The following CACNG2 variants were observed in gnomAD, a reference collection of about 807,000 sequenced individuals.
CACNG2 encodes the protein calcium voltage-gated channel auxiliary subunit gamma 2.
A neutral mutation model predicts 25.9 loss-of-function variants in CACNG2; 3 were observed. That is an observed-to-expected ratio of 0.12 (90% confidence interval 0.05 to 0.30). The LOEUF (loss-of-function observed/expected upper bound fraction) is 0.30. Among genes scored for constraint, CACNG2 ranks in the 10% least tolerant of loss-of-function variants. The probability of loss-of-function intolerance (pLI) is 1.00; values close to 1 mark genes in which losing one functional copy is unlikely to be tolerated. For synonymous variants in CACNG2, 167 were observed against 173.3 expected (o/e 0.96, Z 0.29); for missense variants, 341 against 432.5 (o/e 0.79, Z 1.88).
intron 1 of CACNG2, among the ~76,000 whole-genome samples, chr22:36,652,671 A>T (rs1936637675): frequency 6.6e-6 from 1 of 152,040 alleles, no homozygotes. Flanking sequence ...TGCCCATGAC[A>T]CTGTAAGGGC....
intron 1 of CACNG2, among the ~76,000 whole-genome samples, chr22:36,666,978 A>C (rs1387025472): frequency 6.7e-6 from 1 of 148,834 alleles, no homozygotes. Context: ...CTCACACGCA[A>C]CATGGGATCA....
At chr22:36,575,867 G>T (rs1163740682) in intron 2 of CACNG2, among the ~76,000 whole-genome samples, 1 of 152,132 alleles carries the variant, frequency 6.6e-6, no homozygotes, top group Non-Finnish European at 1.5e-5. Context: ...TATCCCATCT[G>T]GGATTTGACT....
At chr22:36,697,081 A>G (rs2146019810) in intron 1 of CACNG2, among the ~76,000 whole-genome samples, 1 of 152,318 alleles carries the variant, frequency 6.6e-6, no homozygotes, top group South Asian at 2.1e-4. Context: ...TACACTGGGG[A>G]CAGCTCCAAA....
intron 1 of CACNG2, among the ~76,000 whole-genome samples, chr22:36,630,225 T>C (rs1936247628): frequency 6.6e-6 from 1 of 152,096 alleles, no homozygotes; most frequent in Non-Finnish European, 1.5e-5. Context: ...GGTAGACCAG[T>C]TGGTCAGGTA....
chr22:36,656,839 G>A (rs143088617), intron 1 of CACNG2, among the ~76,000 whole-genome samples: 1 of 152,306 alleles, frequency 6.6e-6, no homozygotes, highest in African/African-American at 2.4e-5. Flanking sequence ...ATTTAAAATG[G>A]CGGCGTTCCT....
chr22:36,582,965 C>T (rs1047062491), intron 2 of CACNG2, among the ~76,000 whole-genome samples: 1 of 151,968 alleles, frequency 6.6e-6, no homozygotes, highest in South Asian at 2.1e-4. Flanking sequence ...GAAGACGCTA[C>T]ATCTGTTTCA....
At chr22:36,599,016 A>C (rs1935716789) in intron 1 of CACNG2, among the ~76,000 whole-genome samples, 1 of 152,214 alleles carries the variant, frequency 6.6e-6, no homozygotes, top group Admixed American at 6.5e-5. Context: ...ACATACGTAT[A>C]GCCTGCAACT....
intron 1 of CACNG2, among the ~76,000 whole-genome samples, chr22:36,651,875 T>C (rs1452607221): frequency 6.6e-6 from 1 of 152,114 alleles, no homozygotes; most frequent in Non-Finnish European, 1.5e-5. Flanking sequence ...TTGTTTCTTT[T>C]GTTTTTGAGA....
At chr22:36,626,278 T>C (rs974180359) in intron 1 of CACNG2, among the ~76,000 whole-genome samples, 3 of 152,194 alleles carry the variant, frequency 2.0e-5, no homozygotes, top group Non-Finnish European at 4.4e-5. Flanking sequence ...TCTAACCCTA[T>C]TTCTGATGCT....
intron 1 of CACNG2, among the ~76,000 whole-genome samples, chr22:36,609,584 T>C (rs1306199778): frequency 1.8e-5 from 2 of 110,104 alleles, no homozygotes; most frequent in East Asian, 3.1e-4. Flanking sequence ...CAGAGCGTGA[T>C]CGGGCAGGAA....
In CACNG2 at chr22:36,564,819, G is replaced by A. The variant is rs1935099047; in HGVS notation, c.504C>T (p.Asp168=). 4 of 1,614,204 alleles carry A rather than the reference G, an allele frequency of 2.5e-6. No individual in the cohort carries two copies. Among genetic ancestry groups the A allele is most frequent in the Non-Finnish European group, 3.4e-6 (4 of 1,180,038 alleles). ...SANAGDPSKS[D]SKKNSYSYGW... ...CGTATGAGTAACTATTCTTTTTGGA[G>A]TCGCTCTTGGAGGGGTCTCCGGCAT... The change falls in exon 4 of 4, where the codon GAC becomes GAT. Residue 168 remains aspartate (D), a synonymous_variant. Transcript: ENST00000300105. This position sits in a 1 kb window ranked among gnomAD's most constrained non-coding sequence, Gnocchi z 6.7.
rs752130295 is a variant in CACNG2, at chr22:36,702,581, C to T, written c.-5G>A. On this transcript the variant is annotated 5_prime_UTR_variant, in exon 1 of 4. Coordinates refer to ENST00000300105, the MANE Select transcript of CACNG2 (RefSeq NM_006078.5). ...ACCTCGATCAAACAGCCCCATAATT[C>T]TTCATTATATAAACACCCAACCGAC... is the stretch of plus-strand genomic sequence containing the variant. 1 of 1,612,986 alleles carries T rather than the reference C, an allele frequency of 6.2e-7. No individual in the cohort carries two copies. Among genetic ancestry groups the T allele is most frequent in the Non-Finnish European group, 8.5e-7 (1 of 1,179,092 alleles).
chr22:36,580,086 C>T (rs144572661), intron 2 of CACNG2, among the ~76,000 whole-genome samples: 5 of 152,276 alleles, frequency 3.3e-5, no homozygotes, highest in East Asian at 3.9e-4. Flanking sequence ...AATTGCTGTC[C>T]GACTCTAACT....
Position 36,684,512 on chromosome 22 carries a change from A to T in CACNG2, c.211+17854T>A, listed in dbSNP as rs551973129. On this transcript the variant is annotated intron_variant, in intron 1 of 3. Transcript: ENST00000300105. ...ACCCCTGTAGTCTCAGCTCCTCAGG[A>T]GGCTCAGGTAGGAGGATCACTTGAG... Among the ~76,000 whole-genome samples, 3 of 150,780 alleles carry T rather than the reference A, an allele frequency of 2.0e-5. No homozygotes were observed. In the South Asian group the frequency reaches 6.4e-4, roughly 32 times the overall value.
intron 1 of CACNG2, among the ~76,000 whole-genome samples, chr22:36,673,342 A>G (rs1936979096): frequency 6.6e-6 from 1 of 152,200 alleles, no homozygotes; most frequent in African/African-American, 2.4e-5. Flanking sequence ...GATCAAGCTG[A>G]GTAGGCAGCA....
chr22:36,685,992 T>C (rs1353376528), intron 1 of CACNG2, among the ~76,000 whole-genome samples: 2 of 152,162 alleles, frequency 1.3e-5, no homozygotes, highest in Admixed American at 6.5e-5. Context: ...CAGAGGTAAA[T>C]GTGACACCAT....
At chr22:36,615,440 A>G (rs772681041) in intron 1 of CACNG2, among the ~76,000 whole-genome samples, 23 of 152,168 alleles carry the variant, frequency 1.5e-4, no homozygotes, top group South Asian at 2.1e-4. Flanking sequence ...CTCTTTCCAT[A>G]CAACAAGCAG....
At chr22:36,664,307 T>TATTC (rs1936843114) in intron 1 of CACNG2, among the ~76,000 whole-genome samples, 1 of 152,022 alleles carries the variant, frequency 6.6e-6, no homozygotes, top group African/African-American at 2.4e-5. Flanking sequence ...TCTCTCTGCC[T>TATTC]ATTCATTCAT....
chr22:36,647,654 C>T (rs1029927869), intron 1 of CACNG2, among the ~76,000 whole-genome samples: 2 of 152,186 alleles, frequency 1.3e-5, no homozygotes, highest in Non-Finnish European at 2.9e-5. Context: ...AGCTACCCTG[C>T]CTTTCTTCCT....
Sources: gnomAD v4.1 joint callset for allele counts (sites outside exome capture counted in the v4.1 genomes callset) on GRCh38, gnomAD v4.1.1 for gene constraint, Gnocchi (gnomAD v3.1) non-coding constraint, MANE v1.5 for transcripts, NCBI Gene and HGNC (gene_info 2026-07-23, HGNC 2026-07-21) for gene names.